DDX52: variants seen among roughly 807,000 people sequenced by gnomAD.
DDX52 encodes DExD-box helicase 52, also known as probable ATP-dependent RNA helicase DDX52.
In DDX52, 59 loss-of-function variants were observed where a neutral mutation model predicts 76.1. That is an observed-to-expected ratio of 0.78 (90% confidence interval 0.63 to 0.96). The LOEUF (loss-of-function observed/expected upper bound fraction) is 0.96, where lower values mean the gene tolerates loss of function less well. Among genes scored for constraint, DDX52 ranks in the 40% least tolerant of loss-of-function variants. The pLI, the probability that DDX52 is intolerant of heterozygous loss-of-function variation, is 0.00. For synonymous variants in DDX52, 231 were observed against 244.1 expected, an observed-to-expected ratio of 0.95 and a Z score of 0.50; for missense variants, 707 against 703.9, an observed-to-expected ratio of 1.00 and a Z score of -0.05.
chr17:37,620,545 A>T (rs181507620), intron 12 of DDX52: 513 of 214,674 alleles, frequency 2.4e-3, no homozygotes, highest in African/African-American at 0.011. Flanking sequence ...GTTAATCATC[A>T]TCAACCAAAA....
chr17:37,622,176 T>TTA (rs2030133773), intron 9 of DDX52, among the ~76,000 whole-genome samples: 3 of 151,876 alleles, frequency 2.0e-5, no homozygotes, highest in African/African-American at 7.3e-5. Context: ...ATTTTTTTTT[T>TTA]ACTACATCTG....
At chr17:37,625,498 T>C (rs532577330) in intron 8 of DDX52, among the ~76,000 whole-genome samples, 83 of 152,310 alleles carry the variant, frequency 5.4e-4, no homozygotes, top group African/African-American at 1.9e-3. Context: ...TGAGCATTTA[T>C]TTAGCATAAA....
At chr17:37,619,402 C>A (rs2029957959) in intron 13 of DDX52, among the ~76,000 whole-genome samples, 1 of 152,098 alleles carries the variant, frequency 6.6e-6, no homozygotes, top group African/African-American at 2.4e-5. Flanking sequence ...GTAATATTCA[C>A]AAGCAGTTTT....
rs2030358999 is a variant in DDX52, at chr17:37,626,072, G to A, written c.959C>T (p.Ser320Leu). Reference protein sequence around the residue: ...ASVEWLVVDESDKLFEDGKTG... With the variant: ...ASVEWLVVDELDKLFEDGKTG... ...TTTGCCATCTTCAAACAGTTTATCT[G>A]ATTCGTCTACTACAAGCCACTCAAC... Residue 320 changes from serine (S) to leucine (L), a missense_variant, in exon 8 of 15, where the codon TCA becomes TTA. Physicochemically the swap from Ser to Leu is moderately radical, Grantham distance 145 (BLOSUM62 -2). Coordinates refer to ENST00000617633, the MANE Select transcript of DDX52 (RefSeq NM_007010.5). 1 of 1,614,074 alleles carries A rather than the reference G, an allele frequency of 6.2e-7. No individual in the cohort carries two copies. Among genetic ancestry groups the A allele is most frequent in the South Asian group, 1.1e-5 (1 of 91,072 alleles).
In DDX52 at chr17:37,633,427, T is replaced by C. The variant is rs752662801; in HGVS notation, c.287-9A>G. ...TTCTTGGGAAGCAATTTCTAAAATA[T>C]ATTTTTAAAAAGTAAAAGATTTTAA... is the stretch of plus-strand genomic sequence containing the variant. On this transcript the variant is annotated splice_polypyrimidine_tract_variant and intron_variant, in intron 2 of 14. Coordinates refer to ENST00000617633, the MANE Select transcript of DDX52 (RefSeq NM_007010.5). 2 of 1,548,988 alleles carry C rather than the reference T, an allele frequency of 1.3e-6. No homozygotes were observed. The highest frequency in any genetic ancestry group is 1.3e-5 in the South Asian group (1 of 78,554).
In DDX52 at chr17:37,626,089, C is replaced by T. The variant is rs1266801733; in HGVS notation, c.942G>A (p.Trp314Ter). 1.2e-6 allele frequency: 2 copies of T among 1,614,088 alleles called. No homozygotes were observed. The highest frequency in any genetic ancestry group is 1.7e-6 in the Non-Finnish European group (2 of 1,180,010). Residue 314 changes from tryptophan to a stop codon, truncating the protein, a stop_gained, in exon 8 of 15, where the codon TGG (tryptophan) becomes TGA (stop). Coordinates refer to ENST00000617633, the MANE Select transcript of DDX52 (RefSeq NM_007010.5). LOFTEE classifies it high-confidence loss of function. ...PPGIDLASVE[W>*]LVVDESDKLF... is the part of the protein sequence containing the mutation. ...GTTTATCTGATTCGTCTACTACAAG[C>T]CACTCAACACTAAGAAATAACAAAA... is the stretch of plus-strand genomic sequence containing the variant.
rs1349830946 is a variant in DDX52, at chr17:37,614,344, G to A, written c.1752C>T (p.Val584=). The A allele has an allele frequency of 1.2e-6, 2 of 1,610,754 alleles. No individual in the cohort carries two copies. Among genetic ancestry groups the A allele is most frequent in the Non-Finnish European group, 1.7e-6 (2 of 1,179,018 alleles). ...CTTTCTTCTTGCTGTTCTGACCAGT[G>A]ACCTTTTTCCTGTAAAGAGCAAAGT... is the stretch of plus-strand genomic sequence containing the variant. ...LEKAKDKQKK[V]TGQNSKKKVA... The change falls in exon 15 of 15, where the codon GTC becomes GTT. Residue 584 remains valine (V), a synonymous_variant. Transcript: ENST00000617633.
chr17:37,614,395 C>T (rs368002824), intron 14 of DDX52, 42 bp from the exon 15 acceptor site: 18 of 1,581,886 alleles, frequency 1.1e-5, no homozygotes, highest in African/African-American at 1.4e-5. Flanking sequence ...AAAAATTCTA[C>T]GTATATTTAC....
Position 37,626,836 on chromosome 17 carries a change from C to A in DDX52, c.884G>T (p.Arg295Leu), listed in dbSNP as rs368198103. The change falls in exon 7 of 15, where the codon CGA (arginine) becomes CTA (leucine). Residue 295 changes from arginine (R) to leucine (L), a missense_variant. Coordinates refer to ENST00000617633, the MANE Select transcript of DDX52 (RefSeq NM_007010.5). ...ATCTTGCTTTAATAAATAGATTAGT[C>A]GATTTGGAGTAGTCACAAGAATATC... ...KFDILVTTPN[R>L]LIYLLKQDPP... 88 of 1,611,152 alleles carry A rather than the reference C, an allele frequency of 5.5e-5. No homozygotes were observed. The highest frequency in any genetic ancestry group is 7.2e-5 in the Non-Finnish European group (85 of 1,179,146).
In DDX52 at chr17:37,627,399, T is replaced by C. The variant is rs548939187; in HGVS notation, c.860-539A>G. On this transcript the variant is annotated intron_variant, in intron 6 of 14. Transcript: ENST00000617633. ...TAATTTTTTGTATTTTTAGTAGAGA[T>C]GGTAAATTTTTTTTTTACTTTTATT... Among the ~76,000 whole-genome samples, 11 of 152,104 alleles carry C rather than the reference T, an allele frequency of 7.2e-5. No homozygotes were observed. The South Asian group carries it at 1.9e-3, about 26-fold the overall frequency.
chr17:37,622,564 G>A (rs926227752), intron 9 of DDX52, among the ~76,000 whole-genome samples: 4 of 152,108 alleles, frequency 2.6e-5, no homozygotes, highest in African/African-American at 7.2e-5. Flanking sequence ...AAAGTGCTGG[G>A]ATTACACCGG....
intron 5 of DDX52, 109 bp downstream of exon 5, chr17:37,629,921 T>C (rs2030592301): frequency 4.8e-6 from 7 of 1,461,480 alleles, no homozygotes; most frequent in African/African-American, 1.4e-5. Flanking sequence ...TACTTGACCA[T>C]GACAGAAGAC....
chr17:37,638,770 CTTTTT>C (rs920881727), intron 2 of DDX52, among the ~76,000 whole-genome samples: 2 of 114,814 alleles, frequency 1.7e-5, no homozygotes, highest in Non-Finnish European at 1.7e-5. Flanking sequence ...TGTTTTTTTT[CTTTTT>C]TTTTTTTTTT....
At position 37,611,506 on chromosome 17, in the gene DDX52, T is replaced by C. The variant is rs1434621230; in HGVS notation, c.*2790A>G. 1 of 152,036 alleles carries C rather than the reference T, an allele frequency of 6.6e-6. No individual in the cohort carries two copies. Among genetic ancestry groups the C allele is most frequent in the Non-Finnish European group, 1.5e-5 (1 of 67,992 alleles). The allele number at this position is 152,036 out of a possible 1,614,324, so 9.4% of individuals were successfully genotyped here. On this transcript the variant is annotated 3_prime_UTR_variant, in exon 15 of 15. Coordinates refer to ENST00000617633, the MANE Select transcript of DDX52 (RefSeq NM_007010.5). ...ATCAAAAAAGTTTATAAAGGCCGGA[T>C]ATAGTGGCTCACTCCAGGTCAGGAG... is the stretch of plus-strand genomic sequence containing the variant.
At chr17:37,630,506 T>C (rs183032515) in intron 4 of DDX52, among the ~76,000 whole-genome samples, 6 of 152,278 alleles carry the variant, frequency 3.9e-5, no homozygotes, top group African/African-American at 1.4e-4. Context: ...AAACCAACTT[T>C]TTGTCCTGGT....
At position 37,639,456 on chromosome 17, in the gene DDX52, G is replaced by A. The variant is rs182825918; in HGVS notation, c.286+2654C>T. On this transcript the variant is annotated intron_variant, in intron 2 of 14. Coordinates refer to ENST00000617633, the MANE Select transcript of DDX52 (RefSeq NM_007010.5). ...TCCAGTTAAAAATAGATACATGCCT[G>A]GCTGGGCGTGGTGGCTCACATCTGT... 7 of 996,304 alleles carry A rather than the reference G, an allele frequency of 7.0e-6. No homozygotes were observed. In the African/African-American group the frequency reaches 1.2e-4, roughly 17 times the overall value. The allele number at this position is 996,304 out of a possible 1,614,324, so 61.7% of individuals were successfully genotyped here.
In DDX52 at chr17:37,633,403, T is replaced by C. The variant is rs1360194846; in HGVS notation, c.302A>G (p.Glu101Gly). Residue 101 changes from glutamate to glycine, a missense_variant, in exon 3 of 15, where the codon GAA becomes GGA. Coordinates refer to ENST00000617633, the MANE Select transcript of DDX52 (RefSeq NM_007010.5). Reference protein sequence around the residue: ...KTMTSEIASQEEGATIQWMSS... With the variant: ...KTMTSEIASQGEGATIQWMSS... ...CATCCACTGTATAGTAGCACCTTCT[T>C]CTTGGGAAGCAATTTCTAAAATATA... 8 of 1,565,764 alleles carry C rather than the reference T, an allele frequency of 5.1e-6. No homozygotes were observed. In the African/African-American group the frequency reaches 8.3e-5, roughly 16 times the overall value.
intron 1 of DDX52, 194 bp downstream of exon 1, chr17:37,643,140 A>T: frequency 1.9e-6 from 1 of 526,778 alleles, no homozygotes; most frequent in Non-Finnish European, 3.4e-6. Context: ...CAGGATAGTT[A>T]AAGAGCTTAT....
chr17:37,632,358 T>C, intron 3 of DDX52, 60 bp from the exon 4 acceptor site: 1 of 1,580,296 alleles, frequency 6.3e-7, no homozygotes, highest in Non-Finnish European at 8.7e-7. Flanking sequence ...TTCTCAGATG[T>C]TATAAAGCAA....
Sources: allele counts gnomAD v4.1 joint callset (sites outside exome capture counted in the v4.1 genomes callset), GRCh38; gene constraint gnomAD v4.1.1; transcripts MANE v1.5; gene names NCBI Gene and HGNC (gene_info 2026-07-23, HGNC 2026-07-21).